The following PDE6D variants were observed in gnomAD, a reference collection of about 807,000 sequenced individuals.
The protein encoded by PDE6D is phosphodiesterase 6D, also known as retinal rod rhodopsin-sensitive cGMP 3',5'-cyclic phosphodiesterase subunit delta.
Under a neutral mutation model 21.9 loss-of-function variants are expected in PDE6D, and 10 were observed. That is an observed-to-expected ratio of 0.46 (90% CI 0.28 to 0.78). The LOEUF (loss-of-function observed/expected upper bound fraction) is 0.78. Among genes scored for constraint, PDE6D ranks in the 30% least tolerant of loss-of-function variants. The pLI is 0.12. For missense variants in PDE6D, 139 were observed against 184.8 expected (o/e 0.75, Z 1.44); for synonymous variants, 59 against 63.5 (o/e 0.93, Z 0.34).
intron 1 of PDE6D, among the ~76,000 whole-genome samples, chr2:231,767,569 C>A (rs1386511883): frequency 2.0e-5 from 3 of 152,104 alleles, no homozygotes; most frequent in Non-Finnish European, 4.4e-5. Flanking sequence ...CCCGCCTTGG[C>A]CTCCCAAAGT....
intron 1 of PDE6D, among the ~76,000 whole-genome samples, chr2:231,751,305 A>C (rs2048838389): frequency 6.6e-6 from 1 of 152,010 alleles, no homozygotes; most frequent in South Asian, 2.1e-4. Context: ...ATAGGCACTT[A>C]CCACCTCGTG....
intron 1 of PDE6D, among the ~76,000 whole-genome samples, chr2:231,759,116 G>A (rs921836042): frequency 1.3e-5 from 2 of 151,786 alleles, no homozygotes; most frequent in African/African-American, 4.8e-5. Context: ...CCAGGAGTTC[G>A]ACACCAGCCT....
chr2:231,774,390 T>TC (rs2049038367), intron 1 of PDE6D, among the ~76,000 whole-genome samples: 3 of 152,292 alleles, frequency 2.0e-5, no homozygotes, highest in South Asian at 4.1e-4. Context: ...GTCTGAGTGT[T>TC]CTGTTGAGAG....
intron 1 of PDE6D, among the ~76,000 whole-genome samples, chr2:231,768,997 T>G (rs973698797): frequency 4.6e-5 from 7 of 152,082 alleles, no homozygotes; most frequent in Admixed American, 4.6e-4. Context: ...GCCTCCCGAG[T>G]AGCTGGGATT....
At chr2:231,753,981 C>A (rs573260265) in intron 1 of PDE6D, among the ~76,000 whole-genome samples, 81 of 152,300 alleles carry the variant, frequency 5.3e-4, no homozygotes, top group Non-Finnish European at 9.6e-4. Flanking sequence ...CTCTGGTGAG[C>A]TTGCACACTC....
chr2:231,737,433 C>A, intron 3 of PDE6D, 141 bp from the exon 4 acceptor site: 1 of 555,064 alleles, frequency 1.8e-6, no homozygotes, highest in South Asian at 2.3e-5. Flanking sequence ...AGACCAGGGG[C>A]GTAAAAAAGA....
intron 1 of PDE6D, among the ~76,000 whole-genome samples, chr2:231,746,674 A>G (rs2048796265): frequency 6.6e-6 from 1 of 152,176 alleles, no homozygotes; most frequent in African/African-American, 2.4e-5. Context: ...CGGCCAGTTG[A>G]AGGAGGAAGA....
At chr2:231,737,076 C>G in intron 4 of PDE6D, 111 bp downstream of exon 4, 1 of 591,702 alleles carries the variant, frequency 1.7e-6, no homozygotes, top group Non-Finnish European at 3.0e-6. Flanking sequence ...TACTCTTTTA[C>G]TCTATTTCTC....
chr2:231,780,953 C>T, intron 1 of PDE6D, 112 bp downstream of exon 1: 1 of 943,688 alleles, frequency 1.1e-6, no homozygotes, highest in East Asian at 2.7e-5. Context: ...TCCCCTCCCG[C>T]GGCCCTTCTT....
Position 231,781,267 on chromosome 2 carries a change from A to C in PDE6D, c.-153T>G. On this transcript the variant is annotated 5_prime_UTR_variant, in exon 1 of 5. Coordinates refer to ENST00000287600, the MANE Select transcript of PDE6D (RefSeq NM_002601.4). ...CCAGGACCGGCCTCTCTCTCCCCTC[A>C]GCTCCCGCTTCTGATCCCTTCTCCT... 1.5e-6 allele frequency: 1 copy of C among 661,592 alleles called. No individual in the cohort carries two copies. Among genetic ancestry groups the C allele is most frequent in the Non-Finnish European group, 2.7e-6 (1 of 374,124 alleles). 41.0% of individuals were successfully genotyped at this position (661,592 alleles called of 1,614,324 possible).
intron 1 of PDE6D, among the ~76,000 whole-genome samples, chr2:231,762,339 CTTTTTTTTTTTTTTTT>C (rs3074725): frequency 1.2e-5 from 1 of 83,458 alleles, no homozygotes; most frequent in African/African-American, 6.5e-5. Flanking sequence ...AGGACTAACG[CTTTTTTTTTTTTTTTT>C]TTTTTTTTAG....
chr2:231,780,929 C>T, intron 1 of PDE6D, 136 bp downstream of exon 1: 1 of 776,090 alleles, frequency 1.3e-6, no homozygotes, highest in Non-Finnish European at 2.1e-6. Context: ...GCTCGGCACG[C>T]TGTTCCTTTC....
intron 1 of PDE6D, among the ~76,000 whole-genome samples, chr2:231,741,113 C>CA (rs56947117): frequency 0.2 from 10,971 of 54,430 alleles, 1,126 homozygotes; most frequent in Non-Finnish European, 0.25. Context: ...AACCCTGTCT[C>CA]AAAAAAAAAA....
At chr2:231,764,663 T>C (rs372255536) in intron 1 of PDE6D, among the ~76,000 whole-genome samples, 4 of 152,184 alleles carry the variant, frequency 2.6e-5, no homozygotes, top group East Asian at 1.9e-4. Context: ...AGGAAGACAC[T>C]GAGTCCAGTC....
chr2:231,740,895 T>G (rs1033018099), intron 1 of PDE6D, among the ~76,000 whole-genome samples: 9 of 151,526 alleles, frequency 5.9e-5, no homozygotes, highest in South Asian at 4.2e-4. Flanking sequence ...TCCCAGCACT[T>G]TGGGAGGCTG....
intron 1 of PDE6D, among the ~76,000 whole-genome samples, chr2:231,780,596 C>T (rs923065907): frequency 6.6e-6 from 1 of 152,178 alleles, no homozygotes; most frequent in African/African-American, 2.4e-5. Context: ...ATTTGTCCCA[C>T]ACAAGGTCGC....
At chr2:231,753,560 AAAAT>A (rs1574625694) in intron 1 of PDE6D, among the ~76,000 whole-genome samples, 3 of 151,830 alleles carry the variant, frequency 2.0e-5, no homozygotes, top group Admixed American at 6.5e-5. Flanking sequence ...CAAAAAAAAT[AAAAT>A]AAATAAATAA....
intron 1 of PDE6D, among the ~76,000 whole-genome samples, chr2:231,778,138 C>T (rs188450366): frequency 1.3e-5 from 2 of 152,222 alleles, no homozygotes; most frequent in East Asian, 3.9e-4. Flanking sequence ...TGGTGGCATG[C>T]ACCTGTAATC....
chr2:231,771,395 AG>A (rs1193058314), intron 1 of PDE6D, among the ~76,000 whole-genome samples: 1 of 152,242 alleles, frequency 6.6e-6, no homozygotes, highest in Admixed American at 6.5e-5. Flanking sequence ...GCTTAAATTA[AG>A]GTTCTGCCTT....
Sources: allele counts gnomAD v4.1 joint callset (sites outside exome capture counted in the v4.1 genomes callset), GRCh38; gene constraint gnomAD v4.1.1; transcripts MANE v1.5; gene names NCBI Gene and HGNC (gene_info 2026-07-23, HGNC 2026-07-21).